Variants in PRKCA observed in about 807,000 individuals in gnomAD.
PRKCA encodes protein kinase C alpha.
A neutral mutation model predicts 87.0 loss-of-function variants in PRKCA; 27 were observed. That is an observed-to-expected ratio of 0.31 (90% CI 0.23 to 0.43). The LOEUF (loss-of-function observed/expected upper bound fraction) is 0.43, where lower values mean the gene tolerates loss of function less well. PRKCA is among the 20% of genes least tolerant of loss of function. PRKCA has a pLI of 1.00. For synonymous variants in PRKCA, 329 were observed against 311.1 expected (o/e 1.06, Z -0.61); for missense variants, 518 against 852.3 (o/e 0.61, Z 4.88).
chr17:66,760,913 G>A (rs572654190), intron 13 of PRKCA, among the ~76,000 whole-genome samples: 21 of 152,158 alleles, frequency 1.4e-4, no homozygotes, highest in African/African-American at 4.8e-4. Flanking sequence ...TTTTTGGGAG[G>A]GGTACTTAGG....
chr17:66,775,469 G>A, intron 14 of PRKCA: 1 of 985,414 alleles, frequency 1.0e-6, no homozygotes, highest in Non-Finnish European at 1.2e-6. Context: ...GAGCTCAGCA[G>A]GGGAAGCAGG....
chr17:66,572,336 G>T (rs183263578), intron 3 of PRKCA, among the ~76,000 whole-genome samples: 6 of 152,150 alleles, frequency 3.9e-5, no homozygotes, highest in Non-Finnish European at 8.8e-5. Context: ...GCGTGGTGGT[G>T]GGCACCTGTA....
At chr17:66,466,905 C>T (rs1915111464) in intron 2 of PRKCA, among the ~76,000 whole-genome samples, 1 of 151,990 alleles carries the variant, frequency 6.6e-6, no homozygotes, top group Non-Finnish European at 1.5e-5. Flanking sequence ...TTACTCATGC[C>T]CTCAGTTTAA....
intron 5 of PRKCA, among the ~76,000 whole-genome samples, chr17:66,654,879 G>A (rs1459334027): frequency 1.3e-5 from 2 of 152,244 alleles, no homozygotes; most frequent in Admixed American, 6.5e-5. Context: ...GAAACAAGCC[G>A]CTACAGGACG....
intron 3 of PRKCA, among the ~76,000 whole-genome samples, chr17:66,593,900 A>G (rs1969889519): frequency 6.6e-6 from 1 of 152,188 alleles, no homozygotes; most frequent in Non-Finnish European, 1.5e-5. Flanking sequence ...CCTGGCCAAC[A>G]TGGAAAAACC....
Position 66,792,912 on chromosome 17 carries a change from TGG to T in PRKCA, c.1854+3935_1854+3936del, listed in dbSNP as rs952010242. ...AACCTGCCCCTGTGGCAGTCAACAG[TGG>T]GAGAGTCCTGTCCTGGACAGAGCCA... is the stretch of plus-strand genomic sequence containing the variant. On this transcript the variant is annotated intron_variant, in intron 16 of 16. Transcript: ENST00000413366. This position sits in a 1 kb window ranked among gnomAD's most constrained non-coding sequence, Gnocchi z 4.5. Among the ~76,000 whole-genome samples the T allele has an allele frequency of 6.6e-6, 1 of 152,142 alleles. No homozygotes were observed. Among genetic ancestry groups the T allele is most frequent in the Non-Finnish European group, 1.5e-5 (1 of 68,028 alleles).
intron 5 of PRKCA, among the ~76,000 whole-genome samples, chr17:66,650,023 C>T (rs1033125725): frequency 8.5e-5 from 13 of 152,136 alleles, no homozygotes; most frequent in Non-Finnish European, 1.3e-4. Flanking sequence ...AAATATAAAC[C>T]ATAAGCCATC....
chr17:66,704,787 T>C (rs967576787), intron 8 of PRKCA, among the ~76,000 whole-genome samples: 1 of 152,222 alleles, frequency 6.6e-6, no homozygotes, highest in African/African-American at 2.4e-5. Context: ...CCAATTAAAC[T>C]ATAATTAAGG....
intron 2 of PRKCA, among the ~76,000 whole-genome samples, chr17:66,354,259 G>T (rs1002687432): frequency 1.3e-5 from 2 of 152,160 alleles, no homozygotes; most frequent in African/African-American, 4.8e-5. Flanking sequence ...ACTTAAGAAA[G>T]AATTATTTTT....
chr17:66,804,502 G>C lies in PRKCA; in HGVS notation c.*465G>C, dbSNP rs1385198703. The C allele has an allele frequency of 1.3e-5, 2 of 154,046 alleles. No individual in the cohort carries two copies. The highest frequency in any genetic ancestry group is 4.8e-5 in the African/African-American group (2 of 41,468). 9.5% of individuals were successfully genotyped at this position (154,046 alleles called of 1,614,324 possible). ...CCAAGAGAGTGAGCAGGGAGGGATT[G>C]GGGGTGGGGGAGGCCTCAAAATACC... On this transcript the variant is annotated 3_prime_UTR_variant, in exon 17 of 17. Coordinates refer to ENST00000413366, the MANE Select transcript of PRKCA (RefSeq NM_002737.3).
chr17:66,622,859 A>G (rs1432536838), intron 3 of PRKCA, among the ~76,000 whole-genome samples: 1 of 152,212 alleles, frequency 6.6e-6, no homozygotes, highest in Non-Finnish European at 1.5e-5. Flanking sequence ...AGTACGGGGG[A>G]ACCGCCCCCA....
chr17:66,434,943 C>T (rs1300173717), intron 2 of PRKCA, among the ~76,000 whole-genome samples: 3 of 152,180 alleles, frequency 2.0e-5, no homozygotes, highest in African/African-American at 7.2e-5. Flanking sequence ...CTCATGAAAT[C>T]CTAGCTTGAA....
rs113649991 is a variant in PRKCA, at chr17:66,784,495, C to T, written c.1606-2372C>T. On this transcript the variant is annotated intron_variant, in intron 14 of 16. Transcript: ENST00000413366. ...CTCCTGACCTCAGGTGATCCACCCA[C>T]GTTGGCCTCCCAAAGTGCTGGGATT... Among the ~76,000 whole-genome samples the T allele has an allele frequency of 9.8e-5, 15 of 152,334 alleles. 1 individual carries two copies. The highest frequency in any genetic ancestry group is 2.0e-4 in the Admixed American group (3 of 15,308).
At position 66,472,198 on chromosome 17, in the gene PRKCA, C is replaced by A. The variant is rs114414353; in HGVS notation, c.206-24003C>A. Among the ~76,000 whole-genome samples, 1,502 of 152,282 alleles carry A rather than the reference C, an allele frequency of 9.9e-3. 27 individuals are homozygous for A. The highest frequency in any genetic ancestry group is 0.032 in the African/African-American group (1,329 of 41,544). ...AGGAGTGGTCCTCTGGCTTCAGCCT[C>A]CCAAAGTGCTGGGATTACAGGCGTG... On this transcript the variant is annotated intron_variant, in intron 2 of 16. Transcript: ENST00000413366.
intron 2 of PRKCA, among the ~76,000 whole-genome samples, chr17:66,491,907 C>T (rs1245920660): frequency 6.6e-6 from 1 of 152,254 alleles, no homozygotes; most frequent in Non-Finnish European, 1.5e-5. Context: ...GCACATGCTG[C>T]ATGCAGCCAG....
At chr17:66,368,358 G>GTGTATATATATATA (rs1908864169) in intron 2 of PRKCA, among the ~76,000 whole-genome samples, 1 of 42,572 alleles carries the variant, frequency 2.3e-5, no homozygotes, top group African/African-American at 9.5e-5. Flanking sequence ...GTGTGTGTGT[G>GTGTATATATATATA]TATATGTATA....
chr17:66,540,104 T>TTC (rs1254426399), intron 3 of PRKCA, among the ~76,000 whole-genome samples: 7 of 152,340 alleles, frequency 4.6e-5, no homozygotes, highest in African/African-American at 1.7e-4. Flanking sequence ...AGGTGATGTT[T>TTC]TCCCCATTGG....
intron 2 of PRKCA, among the ~76,000 whole-genome samples, chr17:66,351,544 T>C (rs558378964): frequency 1.1e-4 from 17 of 152,282 alleles, no homozygotes; most frequent in Admixed American, 1.3e-4. Flanking sequence ...GAAAGGGCTA[T>C]TGGGAAACAT....
chr17:66,517,383 G>T (rs936602635), intron 3 of PRKCA, among the ~76,000 whole-genome samples: 1 of 152,062 alleles, frequency 6.6e-6, no homozygotes, highest in Non-Finnish European at 1.5e-5. Flanking sequence ...CCCCAATTCA[G>T]TTGTTTCTCT....
Sources: allele counts gnomAD v4.1 joint callset (sites outside exome capture counted in the v4.1 genomes callset), GRCh38; gene constraint gnomAD v4.1.1; non-coding constraint Gnocchi (gnomAD v3.1); transcripts MANE v1.5; gene names NCBI Gene and HGNC (gene_info 2026-07-23, HGNC 2026-07-21).